The following SYTL1 variants were observed in gnomAD, a reference collection of about 807,000 sequenced individuals.
SYTL1 encodes the protein synaptotagmin-like protein 1.
A neutral mutation model predicts 74.6 loss-of-function variants in SYTL1; 53 were observed. That is an observed-to-expected ratio of 0.71 (90% confidence interval 0.57 to 0.89). The LOEUF (loss-of-function observed/expected upper bound fraction) is 0.89. Among genes scored for constraint, SYTL1 ranks in the 40% least tolerant of loss-of-function variants. SYTL1 has a pLI of 0.00. For missense variants in SYTL1, 728 were observed against 768.7 expected, an observed-to-expected ratio of 0.95 and a Z score of 0.63; for synonymous variants, 329 against 324.9, an observed-to-expected ratio of 1.01 and a Z score of -0.14.
Position 27,353,124 on chromosome 1 carries a change from G to A in SYTL1, c.1344-159G>A, listed in dbSNP as rs554847968. The A allele has an allele frequency of 5.1e-5, 36 of 711,690 alleles. No homozygotes were observed. The African/African-American group carries it at 5.6e-4, about 11-fold the overall frequency. 44.1% of individuals were successfully genotyped at this position (711,690 alleles called of 1,614,324 possible). A position where few individuals can be genotyped will look rare whatever the true frequency, so the allele number is the denominator to read the frequency against. ...TTTAAAGCCAGGAGACCTGAGAGGA[G>A]GCTGGTGCAAAGGTCCCAGGGCAGT... On this transcript the variant is annotated intron_variant, in intron 13 of 14. Transcript: ENST00000616558.
chr1:27,345,358 G>C lies in SYTL1; in HGVS notation c.24G>C (p.Ser8=), dbSNP rs759044527. 3 of 1,537,602 alleles carry C rather than the reference G, an allele frequency of 2.0e-6. No individual in the cohort carries two copies. In the Admixed American group the frequency reaches 6.2e-5, roughly 32 times the overall value. The part of the protein sequence containing the change: MPQRGHP[S]QEGLWALPSL... Reference sequence around the variant, plus strand: ...TGATGCCCCAGAGGGGCCACCCATCGCAAGAGGGGCTTTGGGCTCTGCCCT... The same window carrying C: ...TGATGCCCCAGAGGGGCCACCCATCCCAAGAGGGGCTTTGGGCTCTGCCCT... Residue 8 remains serine (S), a synonymous_variant, in exon 2 of 15, where the codon TCG becomes TCC. Coordinates refer to ENST00000616558, the MANE Select transcript of SYTL1 (RefSeq NM_001193308.2). This position sits in a 1 kb window ranked among gnomAD's most constrained non-coding sequence, Gnocchi z 6.0.
At chr1:27,353,227 G>C in intron 13 of SYTL1, 56 bp from the exon 14 acceptor site, 1 of 1,509,180 alleles carries the variant, frequency 6.6e-7, no homozygotes, top group Non-Finnish European at 9.0e-7. Context: ...GTGGTGACTG[G>C]ATGACTCTAG....
Position 27,350,786 on chromosome 1 carries a change from G to C in SYTL1, c.1006-8G>C, listed in dbSNP as rs953054700. On this transcript the variant is annotated splice_polypyrimidine_tract_variant and splice_region_variant and intron_variant, in intron 10 of 14. Transcript: ENST00000616558. This position sits in a 1 kb window ranked among gnomAD's most constrained non-coding sequence, Gnocchi z 6.3. ...AGTGCTCCACTAAAGCTCACCTCCT[G>C]TCCTCAGTACTCCGTCCCGCAGGCC... 2 of 1,613,592 alleles carry C rather than the reference G, an allele frequency of 1.2e-6. No homozygotes were observed. The highest frequency in any genetic ancestry group is 1.7e-6 in the Non-Finnish European group (2 of 1,179,928).
chr1:27,344,521 G>A (rs935727859), intron 1 of SYTL1, among the ~76,000 whole-genome samples: 1 of 150,874 alleles, frequency 6.6e-6, no homozygotes, highest in Non-Finnish European at 1.5e-5. Context: ...GATTACAGGC[G>A]TGAGCCACCG....
chr1:27,351,455 G>T lies in SYTL1; in HGVS notation c.1244-1G>T, dbSNP rs540274501. ...CGGGCCTGAGCCGAGCCTCTCCGCA[G>T]GCGCAGGACTGCCCCCGAGCGGGGA... On this transcript the variant is annotated splice_acceptor_variant, in intron 12 of 14. Coordinates refer to ENST00000616558, the MANE Select transcript of SYTL1 (RefSeq NM_001193308.2). LOFTEE classifies it high-confidence loss of function. The surrounding 1 kb of genome is among the most constrained non-coding windows in gnomAD (Gnocchi z 5.0). The T allele has an allele frequency of 1.4e-5, 21 of 1,527,382 alleles. No homozygotes were observed. The African/African-American group carries it at 2.9e-4, about 21-fold the overall frequency. 94.6% of individuals were successfully genotyped at this position (1,527,382 alleles called of 1,614,324 possible). A position where few individuals can be genotyped will look rare whatever the true frequency, so the allele number is the denominator to read the frequency against.
At position 27,353,773 on chromosome 1, in the gene SYTL1, G is replaced by T; in HGVS notation, c.1610G>T (p.Trp537Leu). Residue 537 changes from tryptophan (W) to leucine (L), a missense_variant, in exon 15 of 15, where the codon TGG becomes TTG. Coordinates refer to ENST00000616558, the MANE Select transcript of SYTL1 (RefSeq NM_001193308.2). ...MDSTPEEKQLWQALLEQPCEW... is the reference protein window; with the variant it reads ...MDSTPEEKQLLQALLEQPCEW... ...TCCACACCTGAGGAGAAGCAGCTGT[G>T]GCAAGCCCTCCTGGAGCAGCCGTGC... The T allele has an allele frequency of 6.2e-7, 1 of 1,614,076 alleles. No individual in the cohort carries two copies. The highest frequency in any genetic ancestry group is 8.5e-7 in the Non-Finnish European group (1 of 1,179,980).
rs759941393 is a variant in SYTL1 at position 27,348,997 on chromosome 1, C to A, written c.460-83C>A. ...GAAACTGGGGTAGCTGGCTGGAGCC[C>A]TATGACCTCTGACCCCAATATGACC... On this transcript the variant is annotated intron_variant, in intron 5 of 14. Coordinates refer to ENST00000616558, the MANE Select transcript of SYTL1 (RefSeq NM_001193308.2). This position sits in a 1 kb window ranked among gnomAD's most constrained non-coding sequence, Gnocchi z 4.1. The A allele has an allele frequency of 8.9e-7, 1 of 1,117,482 alleles. No homozygotes were observed. The highest frequency in any genetic ancestry group is 1.4e-5 in the South Asian group (1 of 71,240). The allele number at this position is 1,117,482 out of a possible 1,614,324, so 69.2% of individuals were successfully genotyped here. A position where few individuals can be genotyped will look rare whatever the true frequency, so the allele number is the denominator to read the frequency against.
rs768360435 is a variant in SYTL1, at chr1:27,353,384, T to C, written c.1445T>C (p.Phe482Ser). The change falls in exon 14 of 15, where the codon TTT (phenylalanine) becomes TCT (serine). Residue 482 changes from phenylalanine (F) to serine (S), a missense_variant. Phe to Ser is a radical substitution (Grantham distance 155). Coordinates refer to ENST00000616558, the MANE Select transcript of SYTL1 (RefSeq NM_001193308.2). ...AATCACACCATGGTGTACGATGGCT[T>C]TGGGCCTGCTGACCTGCGCCAGGCT... ...VFNHTMVYDG[F>S]GPADLRQACA... 1 of 1,611,672 alleles carries C rather than the reference T, an allele frequency of 6.2e-7. No individual in the cohort carries two copies. The highest frequency in any genetic ancestry group is 8.5e-7 in the Non-Finnish European group (1 of 1,179,310).
In SYTL1 at chr1:27,350,687, A is replaced by G; in HGVS notation, c.1006-107A>G. On this transcript the variant is annotated intron_variant, in intron 10 of 14. Coordinates refer to ENST00000616558, the MANE Select transcript of SYTL1 (RefSeq NM_001193308.2). The surrounding 1 kb of genome is among the most constrained non-coding windows in gnomAD (Gnocchi z 6.3). ...CCATTAATGCCCTTAGGGGCTCCCC[A>G]GAATTCCATCATGGTAGGAACGCGG... The G allele has an allele frequency of 3.6e-6, 5 of 1,396,092 alleles. No homozygotes were observed. Among genetic ancestry groups the G allele is most frequent in the Non-Finnish European group, 4.9e-6 (5 of 1,016,284 alleles). 86.5% of individuals were successfully genotyped at this position (1,396,092 alleles called of 1,614,324 possible).
rs541342834 is a variant in SYTL1 at position 27,345,780 on chromosome 1, CTT to C, written c.191+268_191+269del. Among the ~76,000 whole-genome samples the C allele has an allele frequency of 2.8e-5, 4 of 144,968 alleles. No individual in the cohort carries two copies. Among genetic ancestry groups the C allele is most frequent in the Non-Finnish European group, 4.6e-5 (3 of 65,692 alleles). ...AGCTGGTGCTCCCCAGATCTGTCTG[CTT>C]TTTTTTTTTTTTCTTGAGACAGAGT... On this transcript the variant is annotated intron_variant, in intron 2 of 14. Transcript: ENST00000616558. The surrounding 1 kb of genome is among the most constrained non-coding windows in gnomAD (Gnocchi z 6.0).
rs200419715 is a variant in SYTL1, at chr1:27,350,997, C to T, written c.1164+45C>T. The T allele has an allele frequency of 1.0e-5, 16 of 1,604,632 alleles. No homozygotes were observed. In the East Asian group the frequency reaches 3.4e-4, roughly 34 times the overall value. On this transcript the variant is annotated intron_variant, in intron 11 of 14. Transcript: ENST00000616558. This position sits in a 1 kb window ranked among gnomAD's most constrained non-coding sequence, Gnocchi z 6.3. The stretch of plus-strand genomic sequence containing the variant: ...TGGGGAGACCTGCGGCCCGGGTCTC[C>T]TGCATTTACCCCACCAGGCTCTCCC...
In SYTL1 at chr1:27,347,962, C is replaced by G; in HGVS notation, c.414-5C>G. On this transcript the variant is annotated splice_polypyrimidine_tract_variant and splice_region_variant and intron_variant, in intron 4 of 14. Coordinates refer to ENST00000616558, the MANE Select transcript of SYTL1 (RefSeq NM_001193308.2). This position sits in a 1 kb window ranked among gnomAD's most constrained non-coding sequence, Gnocchi z 4.9. Reference sequence around the variant, plus strand: ...CCTCTGAGAGCGTCCTCTCCCTACTCCTAGGCTCACCATTGATGAGGCCCC... The same window carrying G: ...CCTCTGAGAGCGTCCTCTCCCTACTGCTAGGCTCACCATTGATGAGGCCCC... The G allele has an allele frequency of 6.2e-7, 1 of 1,614,168 alleles. No individual in the cohort carries two copies. Among genetic ancestry groups the G allele is most frequent in the Non-Finnish European group, 8.5e-7 (1 of 1,180,002 alleles).
intron 8 of SYTL1, 38 bp from the exon 9 acceptor site, chr1:27,349,934 T>G: frequency 3.2e-6 from 5 of 1,562,678 alleles, no homozygotes; most frequent in Non-Finnish European, 4.3e-6. Flanking sequence ...ACGTGAGCCC[T>G]GCGAGCGGCC....
Position 27,353,909 on chromosome 1 carries a change from C to T in SYTL1, c.*57C>T. ...CTCAGGGCCTGCCCTTGGCTAAAGT[C>T]AATAAAGTCTATTCTAAGAGCAATA... is the stretch of plus-strand genomic sequence containing the variant. On this transcript the variant is annotated 3_prime_UTR_variant, in exon 15 of 15. Coordinates refer to ENST00000616558, the MANE Select transcript of SYTL1 (RefSeq NM_001193308.2). 1.3e-6 allele frequency: 2 copies of T among 1,511,498 alleles called. No individual in the cohort carries two copies. 93.6% of individuals were successfully genotyped at this position (1,511,498 alleles called of 1,614,324 possible). A position where few individuals can be genotyped will look rare whatever the true frequency, so the allele number is the denominator to read the frequency against.
chr1:27,347,947 C>A lies in SYTL1; in HGVS notation c.414-20C>A. The A allele has an allele frequency of 6.2e-7, 1 of 1,614,030 alleles. No homozygotes were observed. The highest frequency in any genetic ancestry group is 8.5e-7 in the Non-Finnish European group (1 of 1,179,896). On this transcript the variant is annotated intron_variant, in intron 4 of 14. Transcript: ENST00000616558. This position sits in a 1 kb window ranked among gnomAD's most constrained non-coding sequence, Gnocchi z 4.9. ...TCACCAGGGTCCCTCCCTCTGAGAG[C>A]GTCCTCTCCCTACTCCTAGGCTCAC... is the stretch of plus-strand genomic sequence containing the variant.
chr1:27,351,793 G>T lies in SYTL1; in HGVS notation c.1343+238G>T. 1 of 442,204 alleles carries T rather than the reference G, an allele frequency of 2.3e-6. No homozygotes were observed. Among genetic ancestry groups the T allele is most frequent in the Middle Eastern group, 5.8e-4 (1 of 1,738 alleles). The allele number at this position is 442,204 out of a possible 1,614,324, so 27.4% of individuals were successfully genotyped here. ...ACTTGTTGAAAAGCTGAGGCTGAGGGCTGCAAGGGTCCTTCCATAGAGAAC... is the reference window on the plus strand; with the variant it reads ...ACTTGTTGAAAAGCTGAGGCTGAGGTCTGCAAGGGTCCTTCCATAGAGAAC... On this transcript the variant is annotated intron_variant, in intron 13 of 14. Coordinates refer to ENST00000616558, the MANE Select transcript of SYTL1 (RefSeq NM_001193308.2). The surrounding 1 kb of genome is among the most constrained non-coding windows in gnomAD (Gnocchi z 5.0).
At position 27,351,819 on chromosome 1, in the gene SYTL1, C is replaced by T; in HGVS notation, c.1343+264C>T. The T allele has an allele frequency of 5.1e-6, 2 of 391,780 alleles. No individual in the cohort carries two copies. Among genetic ancestry groups the T allele is most frequent in the South Asian group, 1.3e-4 (2 of 15,644 alleles). 24.3% of individuals were successfully genotyped at this position (391,780 alleles called of 1,614,324 possible). On this transcript the variant is annotated intron_variant, in intron 13 of 14. Transcript: ENST00000616558. The surrounding 1 kb of genome is among the most constrained non-coding windows in gnomAD (Gnocchi z 5.0). ...CTGCAAGGGTCCTTCCATAGAGAAC[C>T]TGGGAGGCCAGGCTGTGGGGCTTGG... is the stretch of plus-strand genomic sequence containing the variant.
At position 27,347,375 on chromosome 1, in the gene SYTL1, G is replaced by T; in HGVS notation, c.192-46G>T. The T allele has an allele frequency of 6.2e-7, 1 of 1,613,384 alleles. No homozygotes were observed. The highest frequency in any genetic ancestry group is 8.5e-7 in the Non-Finnish European group (1 of 1,179,808). On this transcript the variant is annotated intron_variant, in intron 2 of 14. Transcript: ENST00000616558. The surrounding 1 kb of genome is among the most constrained non-coding windows in gnomAD (Gnocchi z 4.9). ...TGTTAACAATGTAGGTGGCGGGAAT[G>T]TTGCTTGGGTGAGTCATGACAGCCA...
chr1:27,350,572 G>A lies in SYTL1; in HGVS notation c.1005+87G>A. The A allele has an allele frequency of 1.9e-5, 23 of 1,226,778 alleles. No homozygotes were observed. The highest frequency in any genetic ancestry group is 4.7e-5 in the East Asian group (2 of 42,510). The allele number at this position is 1,226,778 out of a possible 1,614,324, so 76.0% of individuals were successfully genotyped here. On this transcript the variant is annotated intron_variant, in intron 10 of 14. Coordinates refer to ENST00000616558, the MANE Select transcript of SYTL1 (RefSeq NM_001193308.2). The surrounding 1 kb of genome is among the most constrained non-coding windows in gnomAD (Gnocchi z 6.3). ...CTAGGTGGCAAGGGCAGCCAGTAAC[G>A]TCATTGCCCGGAGGATCGGCGGAGG...
Sources: gnomAD v4.1 joint callset for allele counts (sites outside exome capture counted in the v4.1 genomes callset) on GRCh38, gnomAD v4.1.1 for gene constraint, Gnocchi (gnomAD v3.1) non-coding constraint, MANE v1.5 for transcripts, NCBI Gene and HGNC (gene_info 2026-07-23, HGNC 2026-07-21) for gene names.